Variants in NRG3 observed in about 807,000 individuals in gnomAD.
The protein encoded by NRG3 is pro-neuregulin-3, membrane-bound isoform.
A neutral mutation model predicts 66.9 loss-of-function variants in NRG3; 31 were observed. The observed-to-expected ratio is 0.46, with a 90% CI of 0.35 to 0.63. The LOEUF is 0.63. Ranked by LOEUF, NRG3 falls within the 20% of genes least tolerant of loss-of-function variation. The pLI is 0.00. For synonymous variants in NRG3, 393 were observed against 359.4 expected (o/e 1.09, Z -1.06); for missense variants, 910 against 878.9 (o/e 1.04, Z -0.45).
chr10:82,578,883 A>G (rs1055412732), intron 2 of NRG3, among the ~76,000 whole-genome samples: 1 of 151,944 alleles, frequency 6.6e-6, no homozygotes. Context: ...CTTTGTTCAA[A>G]TTAACTTATT....
At chr10:82,130,649 C>T (rs187250151) in intron 1 of NRG3, among the ~76,000 whole-genome samples, 256 of 152,190 alleles carry the variant, frequency 1.7e-3, no homozygotes, top group African/African-American at 5.9e-3. Context: ...ACTGATTTGC[C>T]TTCCTACCAC....
At chr10:81,901,881 G>T (rs1384957567) in intron 1 of NRG3, among the ~76,000 whole-genome samples, 1 of 152,114 alleles carries the variant, frequency 6.6e-6, no homozygotes, top group Non-Finnish European at 1.5e-5. Flanking sequence ...GAACACAAAG[G>T]ATGGTTACCT....
At chr10:82,628,473 G>A (rs2049580912) in intron 2 of NRG3, among the ~76,000 whole-genome samples, 1 of 152,118 alleles carries the variant, frequency 6.6e-6, no homozygotes, top group African/African-American at 2.4e-5. Context: ...CATGGAACTA[G>A]AAGCAATTTA....
At chr10:82,550,688 C>T (rs2044247992) in intron 2 of NRG3, among the ~76,000 whole-genome samples, 1 of 152,026 alleles carries the variant, frequency 6.6e-6, no homozygotes, top group African/African-American at 2.4e-5. Flanking sequence ...TGCAAGACCC[C>T]AAGTTGAAAG....
chr10:82,216,034 C>G (rs1359946472), intron 1 of NRG3, among the ~76,000 whole-genome samples: 2 of 137,746 alleles, frequency 1.5e-5, no homozygotes, highest in East Asian at 4.6e-4. Context: ...ATGGCGCGAT[C>G]TCGGCTCACT....
intron 2 of NRG3, among the ~76,000 whole-genome samples, chr10:82,594,795 C>T (rs2133342132): frequency 6.6e-6 from 1 of 151,648 alleles, no homozygotes; most frequent in African/African-American, 2.4e-5. Flanking sequence ...TAGACCCCTG[C>T]ATGTTCTTAC....
At chr10:82,361,782 A>G (rs796247958) in intron 2 of NRG3, among the ~76,000 whole-genome samples, 94 of 152,240 alleles carry the variant, frequency 6.2e-4, no homozygotes, top group African/African-American at 2.1e-3. Context: ...ATTTTGTTTC[A>G]AGTTAAATAA....
At chr10:82,886,810 T>A (rs1458628961) in intron 4 of NRG3, among the ~76,000 whole-genome samples, 1 of 152,234 alleles carries the variant, frequency 6.6e-6, no homozygotes, top group Non-Finnish European at 1.5e-5. Context: ...TCTTATCATT[T>A]CACCTTTACT....
chr10:82,341,864 T>A (rs1161864504), intron 1 of NRG3, among the ~76,000 whole-genome samples: 1 of 152,032 alleles, frequency 6.6e-6, no homozygotes, highest in Non-Finnish European at 1.5e-5. Context: ...TTTTACTCTG[T>A]TTCTGAGTTT....
intron 1 of NRG3, among the ~76,000 whole-genome samples, chr10:81,938,454 A>G (rs970564211): frequency 6.6e-6 from 1 of 151,102 alleles, no homozygotes; most frequent in Non-Finnish European, 1.5e-5. Flanking sequence ...TCCCTGGTTA[A>G]GTTTCTTTTC....
chr10:82,676,479 G>A (rs1387236630), intron 2 of NRG3, among the ~76,000 whole-genome samples: 1 of 151,876 alleles, frequency 6.6e-6, no homozygotes, highest in Non-Finnish European at 1.5e-5. Flanking sequence ...TTCTATTTGT[G>A]GTTTTTTTGT....
intron 2 of NRG3, among the ~76,000 whole-genome samples, chr10:82,593,066 C>T (rs2047074231): frequency 6.6e-6 from 1 of 152,208 alleles, no homozygotes; most frequent in African/African-American, 2.4e-5. Flanking sequence ...TTCTCACTCT[C>T]TTAGTTTATT....
intron 4 of NRG3, among the ~76,000 whole-genome samples, chr10:82,920,511 T>G (rs1201027373): frequency 2.0e-5 from 3 of 152,150 alleles, no homozygotes; most frequent in African/African-American, 4.8e-5. Context: ...CACATGCAGA[T>G]CTTTGCCCTG....
In NRG3 at chr10:82,959,050, T is replaced by C. The variant is rs1258127940; in HGVS notation, c.1259T>C (p.Val420Ala). 6.2e-7 allele frequency: 1 copy of C among 1,605,440 alleles called. No homozygotes were observed. Among genetic ancestry groups the C allele is most frequent in the South Asian group, 1.1e-5 (1 of 89,432 alleles). Residue 420 changes from valine to alanine, a missense_variant, in exon 6 of 9, where the codon GTG becomes GCG. By Grantham distance (64) the Val-to-Ala change is moderately conservative (BLOSUM62 0). Coordinates refer to ENST00000372141, the MANE Select transcript of NRG3 (RefSeq NM_001010848.4). ...ACAATGGCAAAGTCAGAGAACTTGG[T>C]GAAGAGCCATGTCCAGCTGCAAAAT... is the stretch of plus-strand genomic sequence containing the variant. ...SSTMAKSENL[V>A]KSHVQLQNYS...
chr10:82,453,099 T>C (rs2091098305), intron 2 of NRG3, among the ~76,000 whole-genome samples: 1 of 152,224 alleles, frequency 6.6e-6, no homozygotes, highest in Non-Finnish European at 1.5e-5. Context: ...GCCTGTTTTC[T>C]TATATTTTAA....
intron 1 of NRG3, among the ~76,000 whole-genome samples, chr10:82,108,875 G>A (rs2067216745): frequency 6.6e-6 from 1 of 152,158 alleles, no homozygotes; most frequent in South Asian, 2.1e-4. Flanking sequence ...TTTACCCAGA[G>A]TGGCCTCTGA....
intron 1 of NRG3, among the ~76,000 whole-genome samples, chr10:81,927,615 C>CA (rs929592898): frequency 3.3e-5 from 5 of 151,940 alleles, no homozygotes; most frequent in African/African-American, 9.7e-5. Flanking sequence ...CTTCGATTTA[C>CA]AAAAAAATTG....
At chr10:82,105,800 A>G (rs749986186) in intron 1 of NRG3, among the ~76,000 whole-genome samples, 5 of 152,238 alleles carry the variant, frequency 3.3e-5, no homozygotes, top group Non-Finnish European at 5.9e-5. Flanking sequence ...GGGATAAAGG[A>G]ATGTCAAAAA....
At chr10:82,040,489 CTT>C (rs1284337301) in intron 1 of NRG3, among the ~76,000 whole-genome samples, 6 of 151,156 alleles carry the variant, frequency 4.0e-5, no homozygotes, top group Non-Finnish European at 7.4e-5. Context: ...AAATCTCTCT[CTT>C]GGCACCCATA....
Sources: allele counts gnomAD v4.1 joint callset (sites outside exome capture counted in the v4.1 genomes callset), GRCh38; gene constraint gnomAD v4.1.1; transcripts MANE v1.5; gene names NCBI Gene and HGNC (gene_info 2026-07-23, HGNC 2026-07-21).